Variants in NTN1 observed in about 807,000 individuals in gnomAD.
The protein encoded by NTN1 is netrin 1, also known as netrin-1.
A neutral mutation model predicts 54.2 loss-of-function variants in NTN1; 11 were observed. The observed-to-expected ratio is 0.20, with a 90% CI of 0.13 to 0.34. The LOEUF is 0.34. Among genes scored for constraint, NTN1 ranks in the 10% least tolerant of loss-of-function variants. NTN1 has a pLI of 1.00. For synonymous variants in NTN1, 371 were observed against 382.0 expected, an observed-to-expected ratio of 0.97 and a Z score of 0.33; for missense variants, 740 against 893.1, an observed-to-expected ratio of 0.83 and a Z score of 2.18.
chr17:9,229,910 T>G (rs549157587), intron 6 of NTN1, among the ~76,000 whole-genome samples: 1 of 152,006 alleles, frequency 6.6e-6, no homozygotes, highest in Non-Finnish European at 1.5e-5. Context: ...CAGTGTGTGG[T>G]GGGCGGTGGT....
chr17:9,202,056 A>ACACACACACACACACACACACAC (rs553874657), intron 5 of NTN1, among the ~76,000 whole-genome samples: 1 of 14,294 alleles, frequency 7.0e-5, no homozygotes, highest in Non-Finnish European at 1.1e-4. Context: ...ACACACACAC[A>ACACACACACACACACACACACAC]AAAAAAAAAA....
At chr17:9,155,503 A>G (rs2092339049) in intron 2 of NTN1, among the ~76,000 whole-genome samples, 1 of 151,874 alleles carries the variant, frequency 6.6e-6, no homozygotes, top group Non-Finnish European at 1.5e-5. Context: ...CACCATGCCC[A>G]CTAATTTTGT....
chr17:9,124,396 G>A (rs1340780068), intron 2 of NTN1, among the ~76,000 whole-genome samples: 1 of 152,156 alleles, frequency 6.6e-6, no homozygotes, highest in African/African-American at 2.4e-5. Context: ...GCTTCTCTCC[G>A]GATTCCACTT....
chr17:9,202,942 G>C (rs1429298526), intron 5 of NTN1, among the ~76,000 whole-genome samples: 1 of 151,660 alleles, frequency 6.6e-6, no homozygotes, highest in Non-Finnish European at 1.5e-5. Flanking sequence ...ATTTTTTTGA[G>C]ATGGAGTCTC....
At chr17:9,205,130 ACTT>A (rs1904934149) in intron 5 of NTN1, among the ~76,000 whole-genome samples, 1 of 152,194 alleles carries the variant, frequency 6.6e-6, no homozygotes, top group Non-Finnish European at 1.5e-5. Flanking sequence ...AAGTGCAGCA[ACTT>A]CTTGAATGTG....
rs535106819 is a variant in NTN1 at position 9,032,157 on chromosome 17, C to T, written c.1018+8766C>T. Among the ~76,000 whole-genome samples, 162 of 152,054 alleles carry T rather than the reference C, an allele frequency of 1.1e-3. No individual in the cohort carries two copies. The South Asian group carries it at 0.031, about 29-fold the overall frequency. On this transcript the variant is annotated intron_variant, in intron 2 of 6. Transcript: ENST00000173229. ...GAGTGTCCGGGGTGCAGGGAGGGGC[C>T]GAGGGTCTTGAGAGGAAGAGCATTT...
chr17:9,060,839 G>A (rs1567700689), intron 2 of NTN1, among the ~76,000 whole-genome samples: 1 of 151,992 alleles, frequency 6.6e-6, no homozygotes. Context: ...AACTGGGCAT[G>A]GTGGCGCGTG....
the NTN1 span, among the ~76,000 whole-genome samples, chr17:9,012,610 C>A: frequency 3.9e-5 from 6 of 152,206 alleles, no homozygotes; most frequent in Non-Finnish European, 7.4e-5. Flanking sequence ...ACCCTTCCCC[C>A]AAATAACATC....
chr17:9,238,492 A>AC (rs1375608230), intron 6 of NTN1, among the ~76,000 whole-genome samples: 2 of 151,794 alleles, frequency 1.3e-5, no homozygotes, highest in Admixed American at 6.6e-5. Flanking sequence ...CCCTCCAGGT[A>AC]CCCCCTGGTC....
rs976442626 is a variant in NTN1, at chr17:9,206,482, G to A, written c.1412-14686G>A. On this transcript the variant is annotated intron_variant, in intron 5 of 6. Coordinates refer to ENST00000173229, the MANE Select transcript of NTN1 (RefSeq NM_004822.3). ...CTGCAGACTGCCCTGCCCTCGGGGGGAGGGGGCTGGGGCGGCTCAGGTAGA... is the reference window on the plus strand; with the variant it reads ...CTGCAGACTGCCCTGCCCTCGGGGGAAGGGGGCTGGGGCGGCTCAGGTAGA... Among the ~76,000 whole-genome samples the A allele has an allele frequency of 2.6e-5, 4 of 152,126 alleles. No homozygotes were observed. The East Asian group carries it at 7.7e-4, about 29-fold the overall frequency.
At chr17:9,206,093 C>T (rs534557200) in intron 5 of NTN1, among the ~76,000 whole-genome samples, 15 of 152,206 alleles carry the variant, frequency 9.9e-5, no homozygotes, top group Admixed American at 5.2e-4. Context: ...GGTGACTTCG[C>T]GGTAGAAGCA....
intron 4 of NTN1, among the ~76,000 whole-genome samples, chr17:9,180,823 G>T (rs2092416843): frequency 6.6e-6 from 1 of 152,118 alleles, no homozygotes; most frequent in South Asian, 2.1e-4. Context: ...TGGTAGAGGG[G>T]GCTCAGCACC....
chr17:9,193,680 T>C (rs1455687984), intron 5 of NTN1, among the ~76,000 whole-genome samples: 2 of 152,076 alleles, frequency 1.3e-5, no homozygotes, highest in Non-Finnish European at 2.9e-5. Context: ...CCCAGCACTT[T>C]GGGAGGCTGA....
At chr17:9,049,175 A>G (rs1279044340) in intron 2 of NTN1, among the ~76,000 whole-genome samples, 1 of 152,244 alleles carries the variant, frequency 6.6e-6, no homozygotes, top group African/African-American at 2.4e-5. Flanking sequence ...GAAAATCACC[A>G]TTTGACAAAA....
At chr17:9,073,066 G>C (rs762709774) in intron 2 of NTN1, among the ~76,000 whole-genome samples, 1 of 152,248 alleles carries the variant, frequency 6.6e-6, no homozygotes, top group East Asian at 1.9e-4. Context: ...GGACCGTCTG[G>C]CTGGTAGGCC....
At chr17:9,152,222 G>A (rs1026382011) in intron 2 of NTN1, among the ~76,000 whole-genome samples, 2 of 152,156 alleles carry the variant, frequency 1.3e-5, no homozygotes, top group African/African-American at 4.8e-5. Context: ...TGAAGTGAGC[G>A]AGACCGGGAA....
intron 2 of NTN1, among the ~76,000 whole-genome samples, chr17:9,046,993 T>A (rs958892157): frequency 1.3e-5 from 2 of 152,230 alleles, no homozygotes; most frequent in African/African-American, 4.8e-5. Context: ...ATATAAAAGT[T>A]ATGTTTACGC....
chr17:9,009,869 C>T, the NTN1 span, among the ~76,000 whole-genome samples: 1 of 152,300 alleles, frequency 6.6e-6, no homozygotes, highest in South Asian at 2.1e-4. Context: ...GTTTTGATGA[C>T]TCACAGCCAT....
intron 5 of NTN1, among the ~76,000 whole-genome samples, chr17:9,213,326 C>T (rs769412241): frequency 2.0e-5 from 3 of 152,166 alleles, no homozygotes; most frequent in Admixed American, 6.5e-5. Flanking sequence ...GAAGGGCAGC[C>T]CTGGTGCAGG....
Sources: gnomAD v4.1 joint callset for allele counts (sites outside exome capture counted in the v4.1 genomes callset) on GRCh38, gnomAD v4.1.1 for gene constraint, MANE v1.5 for transcripts, NCBI Gene and HGNC (gene_info 2026-07-23, HGNC 2026-07-21) for gene names.